Variants in DLGAP5 observed in about 807,000 individuals in gnomAD.
DLGAP5 encodes the protein disks large-associated protein 5.
A neutral mutation model predicts 99.6 loss-of-function variants in DLGAP5; 90 were observed. The ratio of observed to expected loss-of-function variants is 0.90; its 90% CI spans 0.76 to 1.08. The LOEUF is 1.08. Among genes scored for constraint, DLGAP5 ranks in the 50% least tolerant of loss-of-function variants. DLGAP5 has a pLI of 0.00. For missense variants in DLGAP5, 1,036 were observed against 983.5 expected, an observed-to-expected ratio of 1.05 and a Z score of -0.71; for synonymous variants, 311 against 321.3, an observed-to-expected ratio of 0.97 and a Z score of 0.34.
intron 2 of DLGAP5, among the ~76,000 whole-genome samples, chr14:55,185,275 A>G (rs754971201): frequency 5.6e-4 from 85 of 152,162 alleles, no homozygotes; most frequent in Admixed American, 3.7e-3. Context: ...TCTCGGCTCA[A>G]TGCATCCTCG....
Position 55,181,316 on chromosome 14 carries a change from G to T in DLGAP5, c.496-19C>A. The stretch of plus-strand genomic sequence containing the variant: ...TATCAATCTATTTAAGAGATTAGGT[G>T]CTATGTGATTTAATTGCATAATGAA... On this transcript the variant is annotated intron_variant, in intron 4 of 18. Transcript: ENST00000247191. 1 of 1,598,056 alleles carries T rather than the reference G, an allele frequency of 6.3e-7. No homozygotes were observed. Among genetic ancestry groups the T allele is most frequent in the Non-Finnish European group, 8.6e-7 (1 of 1,167,528 alleles).
intron 1 of DLGAP5, among the ~76,000 whole-genome samples, chr14:55,190,372 A>G (rs1305422759): frequency 1.3e-5 from 2 of 152,128 alleles, no homozygotes; most frequent in South Asian, 2.1e-4. Flanking sequence ...GATCTTTGAG[A>G]ATGTATTCAA....
intron 2 of DLGAP5, among the ~76,000 whole-genome samples, chr14:55,184,569 G>T (rs774894909): frequency 5.9e-5 from 9 of 152,210 alleles, no homozygotes; most frequent in African/African-American, 1.9e-4. Flanking sequence ...GTGACCAAGA[G>T]AGTATTACAG....
At chr14:55,166,724 C>G (rs886688748) in intron 12 of DLGAP5, among the ~76,000 whole-genome samples, 1 of 149,830 alleles carries the variant, frequency 6.7e-6, no homozygotes, top group Non-Finnish European at 1.5e-5. Flanking sequence ...AGTGAAACTC[C>G]ATCTCAAAAA....
Position 55,180,645 on chromosome 14 carries a change from A to G in DLGAP5, c.703+11T>C, listed in dbSNP as rs768848951. On this transcript the variant is annotated intron_variant, in intron 6 of 18. Coordinates refer to ENST00000247191, the MANE Select transcript of DLGAP5 (RefSeq NM_014750.5). ...TTCTAGTTCAGTCACTGATCAAGGA[A>G]TAGTTCTCACCATTAGCAGCTCTTG... 3.1e-6 allele frequency: 5 copies of G among 1,614,040 alleles called. No homozygotes were observed. The highest frequency in any genetic ancestry group is 4.2e-6 in the Non-Finnish European group (5 of 1,179,950).
rs746831155 is a variant in DLGAP5, at chr14:55,154,798, C to T, written c.1882G>A (p.Val628Ile). ...CTTTGAGAAGGGCCTTCAGAAGAGA[C>T]AGAAAGTCCTAGAAGATGAGAGAAA... is the stretch of plus-strand genomic sequence containing the variant. ...SPVKLFSGLS[V>I]SSEGPSQRLG... Residue 628 changes from valine (V) to isoleucine (I), a missense_variant, in exon 15 of 19, where the codon GTC (valine) becomes ATC (isoleucine). Physicochemically the swap from Val to Ile is conservative, Grantham distance 29 (BLOSUM62 3). Coordinates refer to ENST00000247191, the MANE Select transcript of DLGAP5 (RefSeq NM_014750.5). 1.1e-5 allele frequency: 17 copies of T among 1,613,626 alleles called. No homozygotes were observed. Among genetic ancestry groups the T allele is most frequent in the Middle Eastern group, 3.3e-4 (2 of 6,082 alleles).
At chr14:55,166,837 T>C (rs1882660268) in intron 12 of DLGAP5, among the ~76,000 whole-genome samples, 1 of 151,928 alleles carries the variant, frequency 6.6e-6, no homozygotes, top group Non-Finnish European at 1.5e-5. Context: ...ATGAATGAAT[T>C]TTATCATATG....
At chr14:55,178,160 G>T (rs1169457875) in intron 7 of DLGAP5, among the ~76,000 whole-genome samples, 1 of 151,918 alleles carries the variant, frequency 6.6e-6, no homozygotes, top group Non-Finnish European at 1.5e-5. Flanking sequence ...GCTGAGGCAG[G>T]AGAATGGTGA....
At chr14:55,188,719 A>G (rs1420790739) in intron 2 of DLGAP5, among the ~76,000 whole-genome samples, 1 of 150,750 alleles carries the variant, frequency 6.6e-6, no homozygotes, top group African/African-American at 2.4e-5. Flanking sequence ...TTGAGGTTAC[A>G]GTGAGCACAC....
At chr14:55,177,758 C>T (rs939755961) in intron 7 of DLGAP5, among the ~76,000 whole-genome samples, 4 of 151,310 alleles carry the variant, frequency 2.6e-5, no homozygotes, top group African/African-American at 9.7e-5. Context: ...AGGATGGTCT[C>T]AATCTCCTGA....
At position 55,153,885 on chromosome 14, in the gene DLGAP5, G is replaced by A. The variant is rs141871134; in HGVS notation, c.2063+732C>T. ...ATCCTGGCCAACATAGTGAAACCCC[G>A]TCTCTACTAAAAATACAAAAATTAG... On this transcript the variant is annotated intron_variant, in intron 15 of 18. Transcript: ENST00000247191. 6.8e-4 allele frequency among the ~76,000 whole-genome samples: 104 copies of A among 152,036 alleles called. 3 individuals are homozygous for A. In the East Asian group the frequency reaches 0.014, roughly 21 times the overall value.
At chr14:55,174,243 C>T (rs910390123) in intron 10 of DLGAP5, among the ~76,000 whole-genome samples, 6 of 152,202 alleles carry the variant, frequency 3.9e-5, no homozygotes, top group Admixed American at 3.3e-4. Context: ...ATAGCGCTCC[C>T]AGGCTTATTA....
intron 18 of DLGAP5, chr14:55,148,787 A>G (rs1881913381): frequency 2.6e-6 from 1 of 392,060 alleles, no homozygotes; most frequent in African/African-American, 2.1e-5. Flanking sequence ...CTTATTTCAA[A>G]TGTATATTAC....
At chr14:55,170,554 T>G (rs1566501484) in intron 11 of DLGAP5, 148 bp downstream of exon 11, 1 of 604,520 alleles carries the variant, frequency 1.7e-6, no homozygotes, top group Non-Finnish European at 2.9e-6. Context: ...TACTTTATTG[T>G]AGACATCAAG....
At chr14:55,191,214 G>A (rs1284163974) in intron 1 of DLGAP5, 1 of 152,252 alleles carries the variant, frequency 6.6e-6, no homozygotes. Flanking sequence ...CGGAGCTAGT[G>A]AAGAACAGTT....
intron 1 of DLGAP5, among the ~76,000 whole-genome samples, chr14:55,189,882 C>A (rs1594688192): frequency 6.6e-6 from 1 of 152,236 alleles, no homozygotes; most frequent in Non-Finnish European, 1.5e-5. Context: ...AGCTCCTCTC[C>A]CCTCCCCAGA....
rs1334648919 is a variant in DLGAP5, at chr14:55,173,603, C to CTCTCTA, written c.1301+1742_1301+1743insTAGAGA. 2.4e-3 allele frequency among the ~76,000 whole-genome samples: 352 copies of CTCTCTA among 148,460 alleles called. 1 individual carries two copies. Among genetic ancestry groups the CTCTCTA allele is most frequent in the African/African-American group, 7.9e-3 (310 of 39,364 alleles). Reference sequence around the variant, plus strand: ...ATATATGTTGTCTCTCTCTCTCTCTCTATATATATATATACATGTTGCAGG... The same window carrying CTCTCTA: ...ATATATGTTGTCTCTCTCTCTCTCTCTCTCTATATATATATATATACATGTTGCAGG... On this transcript the variant is annotated intron_variant, in intron 10 of 18. Transcript: ENST00000247191.
At chr14:55,179,552 A>G (rs1368394188) in intron 7 of DLGAP5, 77 bp downstream of exon 7, 1 of 1,253,166 alleles carries the variant, frequency 8.0e-7, no homozygotes, top group East Asian at 2.4e-5. Context: ...GCAGTTCTTT[A>G]TGTTTAATTT....
Position 55,154,813 on chromosome 14 carries a change from G to A in DLGAP5, c.1874-7C>T, listed in dbSNP as rs1423027589. The A allele has an allele frequency of 1.9e-6, 3 of 1,612,202 alleles. No homozygotes were observed. The highest frequency in any genetic ancestry group is 3.4e-5 in the Admixed American group (2 of 59,580). On this transcript the variant is annotated splice_region_variant and splice_polypyrimidine_tract_variant and intron_variant, in intron 14 of 18. Transcript: ENST00000247191. ...TCAGAAGAGACAGAAAGTCCTAGAA[G>A]ATGAGAGAAATCACCTCAATACCAA...
Sources: allele counts gnomAD v4.1 joint callset (sites outside exome capture counted in the v4.1 genomes callset), GRCh38; gene constraint gnomAD v4.1.1; transcripts MANE v1.5; gene names NCBI Gene and HGNC (gene_info 2026-07-23, HGNC 2026-07-21).